Variants in NIM1K observed in about 807,000 individuals in gnomAD.
NIM1K encodes the protein serine/threonine-protein kinase NIM1.
NIM1K carries 35 observed loss-of-function variants against 37.1 expected under a neutral mutation model. The observed-to-expected ratio is 0.94, with a 90% confidence interval of 0.72 to 1.25. The LOEUF (loss-of-function observed/expected upper bound fraction) is 1.25, where lower values mean the gene tolerates loss of function less well. Ranked by LOEUF, NIM1K falls within the 50% of genes most tolerant of loss-of-function variation. The pLI is 0.00. For missense variants in NIM1K, 564 were observed against 548.0 expected, an observed-to-expected ratio of 1.03 and a Z score of -0.29; for synonymous variants, 234 against 206.6, an observed-to-expected ratio of 1.13 and a Z score of -1.14.
intron 3 of NIM1K, among the ~76,000 whole-genome samples, chr5:43,279,192 T>C (rs1446982816): frequency 6.6e-6 from 1 of 152,222 alleles, no homozygotes; most frequent in Non-Finnish European, 1.5e-5. Context: ...ACTGTTCTCA[T>C]CATACGTAGT....
At chr5:43,271,606 T>A (rs1317421321) in intron 2 of NIM1K, among the ~76,000 whole-genome samples, 1 of 152,220 alleles carries the variant, frequency 6.6e-6, no homozygotes, top group Non-Finnish European at 1.5e-5. Flanking sequence ...AACTTGCATC[T>A]TGCAAAACTA....
rs1752766426 is a variant in NIM1K at position 43,245,707 on chromosome 5, C to G, written c.-69C>G. 6.8e-7 allele frequency: 1 copy of G among 1,462,230 alleles called. No homozygotes were observed. The highest frequency in any genetic ancestry group is 1.4e-5 in the African/African-American group (1 of 70,932). 90.6% of individuals were successfully genotyped at this position (1,462,230 alleles called of 1,614,324 possible). A position where few individuals can be genotyped will look rare whatever the true frequency, so the allele number is the denominator to read the frequency against. ...CTGTCCTCAGTTGGCATCTCCCACC[C>G]TCTGAGCCTCTTCTGCTCCTGCACA... On this transcript the variant is annotated 5_prime_UTR_variant, in exon 2 of 4. Coordinates refer to ENST00000326035, the MANE Select transcript of NIM1K (RefSeq NM_153361.4).
At chr5:43,199,204 A>AATATAT (rs1162677436) in intron 1 of NIM1K, among the ~76,000 whole-genome samples, 43 of 94,042 alleles carry the variant, frequency 4.6e-4, no homozygotes, top group Middle Eastern at 6.4e-3. Context: ...AAAAAAAAAA[A>AATATAT]ATATATATAT....
intron 2 of NIM1K, among the ~76,000 whole-genome samples, chr5:43,257,181 G>C (rs1752959158): frequency 6.6e-6 from 1 of 151,992 alleles, no homozygotes; most frequent in South Asian, 2.1e-4. Context: ...CAGGAGTGTG[G>C]GTTGTCCTAG....
chr5:43,254,330 C>A (rs1382204406), intron 2 of NIM1K, among the ~76,000 whole-genome samples: 2 of 152,066 alleles, frequency 1.3e-5, no homozygotes, highest in Non-Finnish European at 2.9e-5. Flanking sequence ...GAAGCACTGA[C>A]TTGGAGGTAT....
chr5:43,215,297 T>C (rs960404724), intron 1 of NIM1K, among the ~76,000 whole-genome samples: 2 of 152,218 alleles, frequency 1.3e-5, no homozygotes, highest in Non-Finnish European at 2.9e-5. Flanking sequence ...CAGCCGCACA[T>C]CAGTTCCTGC....
At chr5:43,251,062 C>T (rs1175307162) in intron 2 of NIM1K, among the ~76,000 whole-genome samples, 4 of 152,130 alleles carry the variant, frequency 2.6e-5, no homozygotes, top group Admixed American at 2.6e-4. Context: ...ATGTGAAGTA[C>T]ATGACATATA....
Position 43,245,716 on chromosome 5 carries a change from T to G in NIM1K, c.-60T>G. 1 of 1,498,056 alleles carries G rather than the reference T, an allele frequency of 6.7e-7. No homozygotes were observed. Among genetic ancestry groups the G allele is most frequent in the Non-Finnish European group, 9.0e-7 (1 of 1,113,388 alleles). 92.8% of individuals were successfully genotyped at this position (1,498,056 alleles called of 1,614,324 possible). On this transcript the variant is annotated 5_prime_UTR_variant, in exon 2 of 4. Transcript: ENST00000326035. Reference sequence around the variant, plus strand: ...GTTGGCATCTCCCACCCTCTGAGCCTCTTCTGCTCCTGCACAACCTGCCTC... The same window carrying G: ...GTTGGCATCTCCCACCCTCTGAGCCGCTTCTGCTCCTGCACAACCTGCCTC...
intron 1 of NIM1K, among the ~76,000 whole-genome samples, chr5:43,213,403 C>T (rs758439915): frequency 6.6e-5 from 10 of 151,448 alleles, no homozygotes; most frequent in African/African-American, 1.2e-4. Flanking sequence ...GATCTTGGCT[C>T]GCTGCAACCT....
At chr5:43,239,989 A>C (rs1752676612) in intron 1 of NIM1K, among the ~76,000 whole-genome samples, 1 of 152,138 alleles carries the variant, frequency 6.6e-6, no homozygotes, top group African/African-American at 2.4e-5. Flanking sequence ...TCCCTGTGTA[A>C]CCAAAAGTAA....
chr5:43,280,151 G>T lies in NIM1K; in HGVS notation c.733G>T (p.Glu245Ter), dbSNP rs745985063. 1.1e-5 allele frequency: 17 copies of T among 1,614,060 alleles called. No homozygotes were observed. The highest frequency in any genetic ancestry group is 5.3e-5 in the African/African-American group (4 of 74,916). ...CGCTGCGCCTGAACTCTTCCGGGAC[G>T]AGCACTACATCGGCATTTACGTGGA... ...PYAAPELFRD[E>*]HYIGIYVDIW... Residue 245 changes from glutamate (E) to a stop codon, truncating the protein, a stop_gained, in exon 4 of 4, where the codon GAG (glutamate) becomes TAG (stop). Transcript: ENST00000326035. LOFTEE classifies it high-confidence loss of function.
chr5:43,231,248 T>TC (rs1752533962), intron 1 of NIM1K, among the ~76,000 whole-genome samples: 1 of 152,210 alleles, frequency 6.6e-6, no homozygotes, highest in Non-Finnish European at 1.5e-5. Context: ...GTCCAGGAGA[T>TC]CGAGGCTGCA....
At chr5:43,278,560 G>T (rs1465352596) in intron 3 of NIM1K, among the ~76,000 whole-genome samples, 1 of 152,126 alleles carries the variant, frequency 6.6e-6, no homozygotes, top group Non-Finnish European at 1.5e-5. Flanking sequence ...TCAGATCCCA[G>T]TTGAACGGAT....
At chr5:43,242,734 T>G (rs1752722211) in intron 1 of NIM1K, 1 of 151,860 alleles carries the variant, frequency 6.6e-6, no homozygotes, top group African/African-American at 2.4e-5. Context: ...TCAACAAACT[T>G]TTATCAACTA....
intron 1 of NIM1K, among the ~76,000 whole-genome samples, chr5:43,236,481 GAC>G (rs1345055623): frequency 6.6e-6 from 1 of 152,072 alleles, no homozygotes; most frequent in Admixed American, 6.5e-5. Context: ...ATAAAAAATT[GAC>G]AGAGTTTACC....
intron 1 of NIM1K, among the ~76,000 whole-genome samples, chr5:43,226,988 A>G (rs116815779): frequency 6.6e-6 from 1 of 152,326 alleles, no homozygotes; most frequent in Non-Finnish European, 1.5e-5. Flanking sequence ...GAAAAGGGTC[A>G]AGATTGTGAG....
chr5:43,260,774 C>T (rs1326383260), intron 2 of NIM1K, among the ~76,000 whole-genome samples: 3 of 152,070 alleles, frequency 2.0e-5, no homozygotes, highest in African/African-American at 7.2e-5. Flanking sequence ...CCCCACCCGA[C>T]GACAGGCCCG....
At chr5:43,250,924 G>GA (rs1281768933) in intron 2 of NIM1K, among the ~76,000 whole-genome samples, 7 of 152,194 alleles carry the variant, frequency 4.6e-5, no homozygotes, top group Non-Finnish European at 1.0e-4. Context: ...AAATTTATCT[G>GA]AAATACTCAT....
At chr5:43,266,375 G>A (rs1457296711) in intron 2 of NIM1K, among the ~76,000 whole-genome samples, 1 of 152,222 alleles carries the variant, frequency 6.6e-6, no homozygotes, top group Non-Finnish European at 1.5e-5. Flanking sequence ...TCAGACTGCT[G>A]TGCTAGCAGT....
Sources: allele counts gnomAD v4.1 joint callset (sites outside exome capture counted in the v4.1 genomes callset), GRCh38; gene constraint gnomAD v4.1.1; transcripts MANE v1.5; gene names NCBI Gene and HGNC (gene_info 2026-07-23, HGNC 2026-07-21).